Variants in WDFY4 observed in about 807,000 individuals in gnomAD.
The protein encoded by WDFY4 is WD repeat- and FYVE domain-containing protein 4.
A neutral mutation model predicts 351.9 loss-of-function variants in WDFY4; 169 were observed. The ratio of observed to expected loss-of-function variants is 0.48; its 90% CI spans 0.42 to 0.55. The LOEUF (loss-of-function observed/expected upper bound fraction) is 0.55, where lower values mean the gene tolerates loss of function less well. WDFY4 is among the 20% of genes least tolerant of loss of function. The probability of loss-of-function intolerance (pLI) is 0.00; values close to 1 mark genes in which losing one functional copy is unlikely to be tolerated. For missense variants in WDFY4, 3,803 were observed against 3,935.6 expected, an observed-to-expected ratio of 0.97 and a Z score of 0.90; for synonymous variants, 1,622 against 1,574.6, an observed-to-expected ratio of 1.03 and a Z score of -0.71.
intron 52 of WDFY4, among the ~76,000 whole-genome samples, chr10:48,958,048 C>T (rs545604575): frequency 1.3e-5 from 2 of 152,280 alleles, no homozygotes; most frequent in African/African-American, 2.4e-5. Context: ...GCTCTAGAGC[C>T]CCCCCTCGTC....
intron 47 of WDFY4, among the ~76,000 whole-genome samples, chr10:48,913,213 C>T (rs553244415): frequency 2.6e-5 from 4 of 152,242 alleles, no homozygotes; most frequent in South Asian, 4.2e-4. Flanking sequence ...GGCAAGGAAT[C>T]AAAAGCCCTT....
At chr10:48,910,386 T>TG in intron 47 of WDFY4, 1 of 792,560 alleles carries the variant, frequency 1.3e-6, no homozygotes, top group Non-Finnish European at 2.2e-6. Context: ...TTAGTGTGAA[T>TG]GGGGGTTTTG....
chr10:48,692,173 C>A (rs905980862), intron 1 of WDFY4, among the ~76,000 whole-genome samples: 1 of 152,200 alleles, frequency 6.6e-6, no homozygotes, highest in Non-Finnish European at 1.5e-5. Flanking sequence ...GATTGAATGG[C>A]CAGGCAGATC....
chr10:48,812,190 G>GTTTTTTT (rs199764757), intron 30 of WDFY4, among the ~76,000 whole-genome samples: 12 of 137,530 alleles, frequency 8.7e-5, no homozygotes, highest in African/African-American at 2.1e-4. Flanking sequence ...TTTTTTTTTT[G>GTTTTTTT]TTTTTTTTGT....
At chr10:48,782,724 G>C (rs577099259) in intron 19 of WDFY4, among the ~76,000 whole-genome samples, 7 of 152,350 alleles carry the variant, frequency 4.6e-5, no homozygotes, top group African/African-American at 1.2e-4. Context: ...TAGTTTAACA[G>C]CCCTTCTCAA....
chr10:48,854,114 A>ATT (rs11331850), intron 39 of WDFY4, among the ~76,000 whole-genome samples: 39 of 138,522 alleles, frequency 2.8e-4, no homozygotes, highest in African/African-American at 5.2e-4. Flanking sequence ...AGTCTAAGTC[A>ATT]TTTTTTTTTT....
chr10:48,916,286 A>G (rs1838523353), intron 47 of WDFY4, among the ~76,000 whole-genome samples: 1 of 152,352 alleles, frequency 6.6e-6, no homozygotes, highest in Admixed American at 6.5e-5. Context: ...ATTTCCAACA[A>G]GAGCCTCTCT....
At position 48,796,361 on chromosome 10, in the gene WDFY4, C is replaced by T; in HGVS notation, c.4321C>T (p.Leu1441Phe). The change falls in exon 24 of 62, where the codon CTC becomes TTC. Residue 1441 changes from leucine (L) to phenylalanine (F), a missense_variant. Physicochemically the swap from Leu to Phe is conservative, Grantham distance 22. This residue lies in a region of WDFY4 where 3,054 missense variants were observed against 3,148.6 expected (regional missense o/e 0.97). Transcript: ENST00000325239. Reference sequence around the variant, plus strand: ...GAACCATCGAATTTTTCAGCTGATCCTCTCAGTGGCTGGCACTGTGGAGCT... The same window carrying T: ...GAACCATCGAATTTTTCAGCTGATCTTCTCAGTGGCTGGCACTGTGGAGCT... The part of the protein sequence containing the change: ...LLNHRIFQLI[L>F]SVAGTVELGF... The T allele has an allele frequency of 1.3e-6, 2 of 1,552,350 alleles. No individual in the cohort carries two copies. Among genetic ancestry groups the T allele is most frequent in the Non-Finnish European group, 1.7e-6 (2 of 1,147,142 alleles).
intron 13 of WDFY4, among the ~76,000 whole-genome samples, chr10:48,767,638 G>A (rs893215304): frequency 6.6e-6 from 1 of 152,146 alleles, no homozygotes; most frequent in Non-Finnish European, 1.5e-5. Context: ...GAGGAGAAGG[G>A]TCCCTGTCAG....
intron 59 of WDFY4, among the ~76,000 whole-genome samples, chr10:48,978,001 G>A (rs2131875442): frequency 6.6e-6 from 1 of 152,314 alleles, no homozygotes; most frequent in East Asian, 1.9e-4. Flanking sequence ...TGAGCAAAAT[G>A]GCAATAAACT....
rs1241471059 is a variant in WDFY4 at position 48,788,539 on chromosome 10, T to C, written c.3818T>C (p.Leu1273Pro). The C allele has an allele frequency of 1.3e-6, 2 of 1,552,126 alleles. No individual in the cohort carries two copies. The highest frequency in any genetic ancestry group is 3.9e-5 in the Admixed American group (2 of 51,012). Residue 1273 changes from leucine (L) to proline (P), a missense_variant, in exon 21 of 62, where the codon CTG (leucine) becomes CCG (proline). This residue lies in a region of WDFY4 where 3,054 missense variants were observed against 3,148.6 expected (regional missense o/e 0.97). Coordinates refer to ENST00000325239, the MANE Select transcript of WDFY4 (RefSeq NM_001394531.1). ...FQAVHVQGED[L>P]DSEATPFVAE... is the part of the protein sequence containing the mutation. ...AGATGTGTTGTTACAGGGGAGGACCTGGACAGTGAAGCCACGCCCTTTGTT... is the reference window on the plus strand; with the variant it reads ...AGATGTGTTGTTACAGGGGAGGACCCGGACAGTGAAGCCACGCCCTTTGTT...
At chr10:48,830,555 C>G (rs3747876) in intron 37 of WDFY4, 145 bp from the exon 38 acceptor site, 13,571 of 889,562 alleles carry the variant, frequency 0.015, 188 homozygotes, top group East Asian at 0.042. Context: ...GATTGCTTCT[C>G]GCTGAAGCTT....
intron 47 of WDFY4, among the ~76,000 whole-genome samples, chr10:48,928,621 G>T (rs114490633): frequency 6.6e-6 from 1 of 152,126 alleles, no homozygotes; most frequent in Admixed American, 6.5e-5. Flanking sequence ...AGGCCCCCTC[G>T]TATCATGCTG....
chr10:48,791,716 G>A (rs932896064), intron 23 of WDFY4, among the ~76,000 whole-genome samples: 1 of 152,226 alleles, frequency 6.6e-6, no homozygotes, highest in Non-Finnish European at 1.5e-5. Context: ...GTCGGAGTCT[G>A]GGCCATGTCA....
chr10:48,828,064 T>A (rs1259510330), intron 36 of WDFY4, among the ~76,000 whole-genome samples: 2 of 152,224 alleles, frequency 1.3e-5, no homozygotes. Flanking sequence ...CATTCTCATA[T>A]GTCAGGTTAT....
rs577234347 is a variant in WDFY4 at position 48,803,556 on chromosome 10, G to A, written c.4484+197G>A. 2.0e-5 allele frequency among the ~76,000 whole-genome samples: 3 copies of A among 152,266 alleles called. No homozygotes were observed. In the South Asian group the frequency reaches 6.2e-4, roughly 32 times the overall value. On this transcript the variant is annotated intron_variant, in intron 25 of 61. Transcript: ENST00000325239. ...CGGGCCTCAGGAGGGCAGATGCTGG[G>A]GGCTTAGAGGCCTCTCTAGCCCCAG...
chr10:48,942,849 C>T (rs928418346), intron 48 of WDFY4, among the ~76,000 whole-genome samples: 2 of 152,218 alleles, frequency 1.3e-5, no homozygotes, highest in Non-Finnish European at 2.9e-5. Context: ...GTGAGCATCA[C>T]CCCAACAGGC....
At chr10:48,691,945 G>A (rs561981413) in intron 1 of WDFY4, among the ~76,000 whole-genome samples, 2 of 152,194 alleles carry the variant, frequency 1.3e-5, no homozygotes, top group Non-Finnish European at 2.9e-5. Context: ...AGGCAGGGTC[G>A]AGCACCCCTG....
At chr10:48,809,953 G>A (rs1331146488) in intron 28 of WDFY4, among the ~76,000 whole-genome samples, 1 of 152,220 alleles carries the variant, frequency 6.6e-6, no homozygotes, top group Non-Finnish European at 1.5e-5. Context: ...CAACCCATTG[G>A]CCATTCATCT....
Sources: allele counts gnomAD v4.1 joint callset (sites outside exome capture counted in the v4.1 genomes callset), GRCh38; gene constraint gnomAD v4.1.1; regional missense constraint gnomAD v4.1.1; transcripts MANE v1.5; gene names NCBI Gene and HGNC (gene_info 2026-07-23, HGNC 2026-07-21).